Variants in MEF2A observed in about 807,000 individuals in gnomAD.
MEF2A encodes myocyte-specific enhancer factor 2A.
Under a neutral mutation model 55.8 loss-of-function variants are expected in MEF2A, and 28 were observed. The observed-to-expected ratio is 0.50, with a 90% CI of 0.37 to 0.69. MEF2A has a LOEUF of 0.69. Ranked by LOEUF, MEF2A falls within the 30% of genes least tolerant of loss-of-function variation. The probability of loss-of-function intolerance (pLI) is 0.00; values close to 1 mark genes in which losing one functional copy is unlikely to be tolerated. For missense variants in MEF2A, 528 were observed against 626.2 expected, an observed-to-expected ratio of 0.84 and a Z score of 1.67; for synonymous variants, 239 against 227.1, an observed-to-expected ratio of 1.05 and a Z score of -0.47.
intron 9 of MEF2A, among the ~76,000 whole-genome samples, chr15:99,706,148 C>T (rs2058019241): frequency 6.6e-6 from 1 of 152,200 alleles, no homozygotes; most frequent in Non-Finnish European, 1.5e-5. Context: ...AAAGCCTCTG[C>T]TACAGAAGGC....
chr15:99,695,778 G>A (rs62042269), intron 8 of MEF2A, among the ~76,000 whole-genome samples: 673 of 151,794 alleles, frequency 4.4e-3, no homozygotes, highest in Non-Finnish European at 7.3e-3. Flanking sequence ...AGAATCACTT[G>A]AACCCGGGAG....
At chr15:99,591,483 T>C (rs904308716) in intron 1 of MEF2A, among the ~76,000 whole-genome samples, 5 of 152,304 alleles carry the variant, frequency 3.3e-5, no homozygotes, top group African/African-American at 1.2e-4. Context: ...TGACTGGATT[T>C]CTATTATGTG....
chr15:99,661,822 ACTAT>A (rs1370857965), intron 4 of MEF2A, among the ~76,000 whole-genome samples: 1 of 152,156 alleles, frequency 6.6e-6, no homozygotes, highest in African/African-American at 2.4e-5. Flanking sequence ...TATGCAGTAG[ACTAT>A]CTACAGAAAT....
At chr15:99,689,762 T>A (rs1222174518) in intron 7 of MEF2A, among the ~76,000 whole-genome samples, 2 of 152,240 alleles carry the variant, frequency 1.3e-5, no homozygotes, top group Non-Finnish European at 2.9e-5. Context: ...ATTACAGGCG[T>A]GAGCCACTGC....
At chr15:99,640,533 C>T (rs1276482870) in intron 3 of MEF2A, among the ~76,000 whole-genome samples, 1 of 149,898 alleles carries the variant, frequency 6.7e-6, no homozygotes, top group Non-Finnish European at 1.5e-5. Flanking sequence ...CACTCCCTTT[C>T]TCCCCTCCCC....
At chr15:99,606,732 A>G (rs1416236812) in intron 2 of MEF2A, among the ~76,000 whole-genome samples, 2 of 152,194 alleles carry the variant, frequency 1.3e-5, no homozygotes, top group Non-Finnish European at 2.9e-5. Flanking sequence ...TTATAGTACA[A>G]GTTTTTGAGA....
At chr15:99,688,741 G>A (rs958126001) in intron 7 of MEF2A, among the ~76,000 whole-genome samples, 1 of 151,898 alleles carries the variant, frequency 6.6e-6, no homozygotes, top group Non-Finnish European at 1.5e-5. Flanking sequence ...TGGGCAACAG[G>A]GCAAGTCTCC....
intron 2 of MEF2A, among the ~76,000 whole-genome samples, chr15:99,607,109 A>T (rs1329248755): frequency 6.6e-6 from 1 of 152,202 alleles, no homozygotes; most frequent in Admixed American, 6.5e-5. Flanking sequence ...AAAATAAAAC[A>T]GGTAAAATAA....
chr15:99,603,709 T>C (rs922407965), intron 2 of MEF2A, among the ~76,000 whole-genome samples: 1 of 152,140 alleles, frequency 6.6e-6, no homozygotes, highest in East Asian at 1.9e-4. Flanking sequence ...CCAGTGTTAG[T>C]AAATGTTTTG....
chr15:99,641,809 G>C (rs562177051), intron 3 of MEF2A, among the ~76,000 whole-genome samples: 1 of 152,264 alleles, frequency 6.6e-6, no homozygotes, highest in East Asian at 1.9e-4. Context: ...ACATTTTCCA[G>C]CATACCCTCT....
intron 1 of MEF2A, among the ~76,000 whole-genome samples, chr15:99,597,530 C>T (rs1302692305): frequency 1.3e-5 from 2 of 152,106 alleles, no homozygotes; most frequent in East Asian, 1.9e-4. Context: ...CCTGTGATCT[C>T]GTGATCTCGC....
At chr15:99,671,281 A>C (rs770398252) in intron 4 of MEF2A, 42 bp from the exon 5 acceptor site, 3 of 1,578,378 alleles carry the variant, frequency 1.9e-6, no homozygotes, top group Non-Finnish European at 2.6e-6. Flanking sequence ...ACTCATGGCA[A>C]GTTAGCATTA....
intron 4 of MEF2A, among the ~76,000 whole-genome samples, chr15:99,660,709 T>C (rs2048476568): frequency 6.6e-6 from 1 of 152,226 alleles, no homozygotes; most frequent in Non-Finnish European, 1.5e-5. Context: ...CTTATACTAA[T>C]ACAGAGATTA....
At chr15:99,589,050 G>A (rs1037035995) in intron 1 of MEF2A, among the ~76,000 whole-genome samples, 2 of 152,054 alleles carry the variant, frequency 1.3e-5, no homozygotes, top group Admixed American at 1.3e-4. Flanking sequence ...CCTCATTTTG[G>A]TATCAGGGTT....
chr15:99,631,903 C>T (rs1362602492), intron 2 of MEF2A, among the ~76,000 whole-genome samples: 1 of 152,174 alleles, frequency 6.6e-6, no homozygotes, highest in African/African-American at 2.4e-5. Flanking sequence ...TGGATTTGCA[C>T]AGTACAATTG....
At position 99,679,557 on chromosome 15, in the gene MEF2A, A is replaced by G. The variant is rs562558413; in HGVS notation, c.670+4099A>G. Among the ~76,000 whole-genome samples the G allele has an allele frequency of 7.9e-5, 12 of 152,012 alleles. No individual in the cohort carries two copies. In the South Asian group the frequency reaches 2.5e-3, roughly 32 times the overall value. On this transcript the variant is annotated intron_variant, in intron 7 of 11. Coordinates refer to ENST00000557942, the MANE Select transcript of MEF2A (RefSeq NM_001319206.4). Reference sequence around the variant, plus strand: ...GTAGATAGATGGCAGAGCCATAAAGAAAAACCAAGAAATTACTGTAAAATT... The same window carrying G: ...GTAGATAGATGGCAGAGCCATAAAGGAAAACCAAGAAATTACTGTAAAATT...
chr15:99,590,119 A>G lies in MEF2A; in HGVS notation c.-224-8311A>G, dbSNP rs182926384. The stretch of plus-strand genomic sequence containing the variant: ...TCTCCAGCTGTAATTGTAGATATCT[A>G]TTTCTCCTTTTAGTTCTGTCAGTGT... On this transcript the variant is annotated intron_variant, in intron 1 of 11. Coordinates refer to ENST00000557942, the MANE Select transcript of MEF2A (RefSeq NM_001319206.4). Among the ~76,000 whole-genome samples, 30 of 151,866 alleles carry G rather than the reference A, an allele frequency of 2.0e-4. No individual in the cohort carries two copies. In the East Asian group the frequency reaches 5.0e-3, roughly 25 times the overall value.
In MEF2A at chr15:99,712,504, CCAGCAGCAGCAGCAGCAG is replaced by C. The variant is rs3138597; in HGVS notation, c.1268_1285del (p.Gln423_Gln428del). On this transcript the variant is annotated inframe_deletion, in exon 12 of 12. Coordinates refer to ENST00000557942, the MANE Select transcript of MEF2A (RefSeq NM_001319206.4). This position sits in a 1 kb window ranked among gnomAD's most constrained non-coding sequence, Gnocchi z 4.1. ...GGGATCGTATGACCCCATCGGGCTT[CCAGCAGCAGCAGCAGCAG>C]CAGCAGCAGCAGCAGCCGCCGCCAC... 3,025 of 1,531,506 alleles carry C rather than the reference CCAGCAGCAGCAGCAGCAG, an allele frequency of 2.0e-3. 20 individuals carry two copies. Among genetic ancestry groups the C allele is most frequent in the South Asian group, 9.4e-3 (775 of 82,784 alleles). The allele number at this position is 1,531,506 out of a possible 1,614,324, so 94.9% of individuals were successfully genotyped here.
intron 1 of MEF2A, among the ~76,000 whole-genome samples, chr15:99,586,660 G>C (rs948689477): frequency 6.6e-6 from 1 of 152,072 alleles, no homozygotes; most frequent in African/African-American, 2.4e-5. Flanking sequence ...CAATTTTGAT[G>C]AAGTGCTGTT....
Sources: allele counts gnomAD v4.1 joint callset (sites outside exome capture counted in the v4.1 genomes callset), GRCh38; gene constraint gnomAD v4.1.1; non-coding constraint Gnocchi (gnomAD v3.1); transcripts MANE v1.5; gene names NCBI Gene and HGNC (gene_info 2026-07-23, HGNC 2026-07-21).